Variants in GRIN2A observed in about 807,000 individuals in gnomAD.
GRIN2A encodes glutamate ionotropic receptor NMDA type subunit 2A, also known as glutamate receptor ionotropic, NMDA 2A.
In GRIN2A, 22 loss-of-function variants were observed where a neutral mutation model predicts 113.4. The observed-to-expected ratio is 0.19, with a 90% CI of 0.14 to 0.28. The LOEUF (loss-of-function observed/expected upper bound fraction) is 0.28, where lower values mean the gene tolerates loss of function less well. Among genes scored for constraint, GRIN2A ranks in the 10% least tolerant of loss-of-function variants. The pLI, the probability that GRIN2A is intolerant of heterozygous loss-of-function variation, is 1.00. For missense variants in GRIN2A, 1,502 were observed against 1,887.0 expected (o/e 0.80, Z 3.78); for synonymous variants, 827 against 738.4 (o/e 1.12, Z -1.94).
chr16:10,133,240 C>A (rs1435415460), intron 2 of GRIN2A, among the ~76,000 whole-genome samples: 1 of 152,200 alleles, frequency 6.6e-6, no homozygotes, highest in Non-Finnish European at 1.5e-5. Context: ...GCCAGGCCAC[C>A]ATCTTGCTCC....
intron 2 of GRIN2A, among the ~76,000 whole-genome samples, chr16:10,137,602 T>C (rs1051711040): frequency 6.6e-6 from 1 of 152,328 alleles, no homozygotes. Flanking sequence ...ATGGCCACTG[T>C]ATGCCTTCCT....
Position 10,089,891 on chromosome 16 carries a change from C to T in GRIN2A, c.414+90107G>A, listed in dbSNP as rs369548432. On this transcript the variant is annotated intron_variant, in intron 2 of 12. Transcript: ENST00000330684. ...AGCTATGATGGGTGGGAAATAAAAC[C>T]GATGAGGGGGAGGCTCAAGTAGTAG... 9.9e-5 allele frequency among the ~76,000 whole-genome samples: 15 copies of T among 152,064 alleles called. No homozygotes were observed. The South Asian group carries it at 2.5e-3, about 25-fold the overall frequency.
At chr16:9,891,205 A>T (rs1484866609) in intron 3 of GRIN2A, 105 bp from the exon 4 acceptor site, 1 of 730,126 alleles carries the variant, frequency 1.4e-6, no homozygotes, top group African/African-American at 1.7e-5. Context: ...TTATAAACTT[A>T]CAATGCTATA....
chr16:10,122,242 C>T (rs2048850053), intron 2 of GRIN2A, among the ~76,000 whole-genome samples: 1 of 152,236 alleles, frequency 6.6e-6, no homozygotes, highest in Non-Finnish European at 1.5e-5. Context: ...CAAAAAAACT[C>T]TGGCTACAGG....
At chr16:10,074,936 C>A (rs1357231238) in intron 2 of GRIN2A, among the ~76,000 whole-genome samples, 5 of 152,174 alleles carry the variant, frequency 3.3e-5, no homozygotes, top group South Asian at 4.1e-4. Flanking sequence ...TGACCAATTT[C>A]TCCTTGCTGG....
chr16:9,861,833 C>T (rs548314118), intron 4 of GRIN2A, among the ~76,000 whole-genome samples: 9 of 152,152 alleles, frequency 5.9e-5, no homozygotes, highest in East Asian at 1.9e-4. Context: ...GGATGGCTAC[C>T]GGCAGAGTGA....
At chr16:10,088,282 A>G (rs1156578416) in intron 2 of GRIN2A, among the ~76,000 whole-genome samples, 1 of 152,180 alleles carries the variant, frequency 6.6e-6, no homozygotes, top group Non-Finnish European at 1.5e-5. Context: ...AATACTGCCA[A>G]CATAGACTCT....
Position 9,758,015 on chromosome 16 carries a change from C to A in GRIN2A, c.*5134G>T. On this transcript the variant is annotated 3_prime_UTR_variant, in exon 13 of 13. Transcript: ENST00000330684. The stretch of plus-strand genomic sequence containing the variant: ...TCAGAGAATCGAGCCAGAAATTGAA[C>A]CATGTCTTGGATCTAATCCTCGCTC... 4.6e-6 allele frequency: 1 copy of A among 216,060 alleles called. No homozygotes were observed. The highest frequency in any genetic ancestry group is 6.8e-5 in the East Asian group (1 of 14,642). 13.4% of individuals were successfully genotyped at this position (216,060 alleles called of 1,614,324 possible).
intron 2 of GRIN2A, among the ~76,000 whole-genome samples, chr16:10,170,427 C>T (rs2050018097): frequency 6.6e-6 from 1 of 152,170 alleles, no homozygotes. Context: ...CTGGTGATAG[C>T]ATGGTGACAA....
At chr16:10,053,154 A>G (rs1258282731) in intron 2 of GRIN2A, among the ~76,000 whole-genome samples, 9 of 152,188 alleles carry the variant, frequency 5.9e-5, no homozygotes, top group African/African-American at 2.2e-4. Flanking sequence ...CACAACAGTG[A>G]ATGGAGAAGA....
At chr16:10,172,037 C>G (rs2050052960) in intron 2 of GRIN2A, among the ~76,000 whole-genome samples, 1 of 152,170 alleles carries the variant, frequency 6.6e-6, no homozygotes, top group Non-Finnish European at 1.5e-5. Flanking sequence ...GTCTACCACC[C>G]CAAAGATAAC....
At chr16:10,014,468 C>T (rs2046566089) in intron 2 of GRIN2A, among the ~76,000 whole-genome samples, 2 of 152,136 alleles carry the variant, frequency 1.3e-5, no homozygotes, top group South Asian at 4.1e-4. Flanking sequence ...ACAAACATGT[C>T]TTGAGTGGCT....
intron 3 of GRIN2A, among the ~76,000 whole-genome samples, chr16:9,906,357 C>T (rs997392691): frequency 6.6e-6 from 1 of 152,170 alleles, no homozygotes; most frequent in African/African-American, 2.4e-5. Context: ...TTGTGATTTT[C>T]CACTTCTTAG....
chr16:9,904,031 A>C (rs1310027769), intron 3 of GRIN2A, among the ~76,000 whole-genome samples: 1 of 152,232 alleles, frequency 6.6e-6, no homozygotes, highest in Non-Finnish European at 1.5e-5. Context: ...ATTTAGAGAC[A>C]GGCAAACTGA....
chr16:9,776,240 A>G (rs1001061287), intron 11 of GRIN2A, among the ~76,000 whole-genome samples: 1 of 151,610 alleles, frequency 6.6e-6, no homozygotes, highest in Non-Finnish European at 1.5e-5. Flanking sequence ...CAGGAATGTA[A>G]ATATGACGCC....
intron 5 of GRIN2A, among the ~76,000 whole-genome samples, chr16:9,844,504 C>T (rs183287744): frequency 6.5e-4 from 99 of 152,322 alleles, no homozygotes; most frequent in Admixed American, 2.7e-3. Flanking sequence ...ACTACACAGA[C>T]TGAGAAATGG....
In GRIN2A at chr16:9,761,699, CCT is replaced by C. The variant is rs1900589807; in HGVS notation, c.*1448_*1449del. The C allele has an allele frequency of 4.4e-6, 1 of 225,688 alleles. No homozygotes were observed. Among genetic ancestry groups the C allele is most frequent in the Non-Finnish European group, 8.8e-6 (1 of 113,462 alleles). The allele number at this position is 225,688 out of a possible 1,614,324, so 14.0% of individuals were successfully genotyped here. ...CAGGCTCCCCATGCATAAGTATTCC[CCT>C]CTCTGTCTCTAACTTAAAAAAAAAA... On this transcript the variant is annotated 3_prime_UTR_variant, in exon 13 of 13. Transcript: ENST00000330684.
intron 10 of GRIN2A, among the ~76,000 whole-genome samples, chr16:9,820,505 C>CA (rs1157836642): frequency 2.0e-5 from 3 of 152,148 alleles, no homozygotes; most frequent in African/African-American, 7.2e-5. Flanking sequence ...ATAATGGCCC[C>CA]AAAATAGGAC....
intron 2 of GRIN2A, among the ~76,000 whole-genome samples, chr16:10,088,371 G>A (rs931898257): frequency 1.3e-5 from 2 of 152,166 alleles, no homozygotes; most frequent in Admixed American, 6.5e-5. Context: ...AACAGCCCAG[G>A]ACATACAGGG....
Sources: gnomAD v4.1 joint callset for allele counts (sites outside exome capture counted in the v4.1 genomes callset) on GRCh38, gnomAD v4.1.1 for gene constraint, MANE v1.5 for transcripts, NCBI Gene and HGNC (gene_info 2026-07-23, HGNC 2026-07-21) for gene names.